Variants in DNAJC13 observed in about 807,000 individuals in gnomAD.
DNAJC13 encodes DnaJ heat shock protein family (Hsp40) member C13, also known as dnaJ homolog subfamily C member 13.
DNAJC13 carries 75 observed loss-of-function variants against 290.5 expected under a neutral mutation model. The observed-to-expected ratio is 0.26, with a 90% CI of 0.21 to 0.31. DNAJC13 has a LOEUF of 0.31. DNAJC13 is among the 10% of genes least tolerant of loss of function. The probability of loss-of-function intolerance (pLI) is 1.00; values close to 1 mark genes in which losing one functional copy is unlikely to be tolerated. For synonymous variants in DNAJC13, 862 were observed against 892.0 expected (o/e 0.97, Z 0.60); for missense variants, 2,260 against 2,674.5 (o/e 0.85, Z 3.42).
At chr3:132,475,156 T>TA (rs1934428438) in intron 22 of DNAJC13, 71 bp downstream of exon 22, 3 of 1,232,182 alleles carry the variant, frequency 2.4e-6, no homozygotes, top group Non-Finnish European at 3.2e-6. Context: ...GTGATTTTTT[T>TA]TAAAAAAATT....
intron 29 of DNAJC13, among the ~76,000 whole-genome samples, chr3:132,487,836 T>C (rs1277306073): frequency 6.6e-6 from 1 of 152,126 alleles, no homozygotes; most frequent in Non-Finnish European, 1.5e-5. Flanking sequence ...TACTACCTGA[T>C]ACTTGTTTAC....
At chr3:132,489,460 C>T (rs935026802) in intron 31 of DNAJC13, among the ~76,000 whole-genome samples, 2 of 151,158 alleles carry the variant, frequency 1.3e-5, no homozygotes, top group African/African-American at 4.9e-5. Context: ...CATATGCTTT[C>T]ATTTTACTGT....
At chr3:132,420,147 T>A (rs571867707) in intron 1 of DNAJC13, among the ~76,000 whole-genome samples, 1 of 152,324 alleles carries the variant, frequency 6.6e-6, no homozygotes, top group South Asian at 2.1e-4. Context: ...AAAAGCATGA[T>A]GAAAGCTGAA....
intron 15 of DNAJC13, among the ~76,000 whole-genome samples, chr3:132,461,918 C>G (rs1005540944): frequency 6.6e-6 from 1 of 151,952 alleles, no homozygotes; most frequent in African/African-American, 2.4e-5. Flanking sequence ...TTCTCATGCC[C>G]CTGAGCTTAA....
chr3:132,503,182 C>A, intron 40 of DNAJC13, 32 bp from the exon 41 acceptor site: 1 of 1,606,014 alleles, frequency 6.2e-7, no homozygotes, highest in South Asian at 1.1e-5. Flanking sequence ...GATAACAGAT[C>A]TACTTTAACA....
At chr3:132,437,062 A>G (rs1250687591) in intron 2 of DNAJC13, among the ~76,000 whole-genome samples, 5 of 151,806 alleles carry the variant, frequency 3.3e-5, no homozygotes, top group African/African-American at 7.3e-5. Context: ...TATTTTTAGT[A>G]GAGACAGGGT....
chr3:132,528,310 G>C lies in DNAJC13; in HGVS notation c.6503G>C (p.Arg2168Pro). ...GTTAAAGCTCTCAAGGCAATGACTC[G>C]AAGTTTGCAGTATGGAGAACAGGTG... ...QIVKALKAMT[R>P]SLQYGEQVNE... is the part of the protein sequence containing the mutation. The change falls in exon 54 of 56, where the codon CGA (arginine) becomes CCA (proline). Residue 2168 changes from arginine to proline, a missense_variant. Arg to Pro is a moderately radical substitution (Grantham distance 103, BLOSUM62 -2). Coordinates refer to ENST00000260818, the MANE Select transcript of DNAJC13 (RefSeq NM_015268.4). 6.2e-7 allele frequency: 1 copy of C among 1,614,138 alleles called. No individual in the cohort carries two copies. The highest frequency in any genetic ancestry group is 1.7e-5 in the Admixed American group (1 of 60,020).
In DNAJC13 at chr3:132,514,677, A is replaced by G. The variant is rs1935870599; in HGVS notation, c.5485+7A>G. 1.2e-6 allele frequency: 2 copies of G among 1,601,702 alleles called. No homozygotes were observed. The highest frequency in any genetic ancestry group is 1.7e-6 in the Non-Finnish European group (2 of 1,172,074). ...CTACATTCATTGCCATCAAGTATGT[A>G]TACAGATGGAATTTTGGAAACCACA... On this transcript the variant is annotated splice_region_variant and intron_variant, in intron 46 of 55. Transcript: ENST00000260818.
At chr3:132,421,660 G>A (rs746211317) in intron 1 of DNAJC13, among the ~76,000 whole-genome samples, 6 of 150,204 alleles carry the variant, frequency 4.0e-5, no homozygotes, top group Admixed American at 2.0e-4. Flanking sequence ...GGCTGGTCTC[G>A]AACTCCTGAC....
At chr3:132,460,398 C>T (rs1933750683) in intron 14 of DNAJC13, 41 bp downstream of exon 14, 2 of 1,353,282 alleles carry the variant, frequency 1.5e-6, no homozygotes, top group East Asian at 2.3e-5. Context: ...AGATACCATA[C>T]CATTATTGAA....
rs548877319 is a variant in DNAJC13, at chr3:132,451,700, A to G, written c.537+853A>G. Among the ~76,000 whole-genome samples, 22 of 152,236 alleles carry G rather than the reference A, an allele frequency of 1.4e-4. No homozygotes were observed. The South Asian group carries it at 4.4e-3, about 30-fold the overall frequency. On this transcript the variant is annotated intron_variant, in intron 6 of 55. Transcript: ENST00000260818. ...TTAGTGTTCCGGGAATGCTCCTTCA[A>G]TTTTTAGTGTTTTGTAGATAAAATA...
chr3:132,463,790 G>T lies in DNAJC13; in HGVS notation c.1865G>T (p.Ser622Ile), dbSNP rs1266698159. The change falls in exon 17 of 56, where the codon AGC becomes ATC. Residue 622 changes from serine to isoleucine, a missense_variant. By Grantham distance (142) the Ser-to-Ile change is moderately radical. Transcript: ENST00000260818. ...RHLHTAMFTI[S>I]SDQRMLTNRQ... ...TTGCATACTGCGATGTTTACAATAA[G>T]CTCAGATCAAAGGATGCTTACAAAT... The T allele has an allele frequency of 3.7e-6, 6 of 1,612,912 alleles. No individual in the cohort carries two copies. The highest frequency in any genetic ancestry group is 5.1e-6 in the Non-Finnish European group (6 of 1,179,204).
In DNAJC13 at chr3:132,461,067, C is replaced by G; in HGVS notation, c.1575C>G (p.Ala525=). The G allele has an allele frequency of 6.2e-7, 1 of 1,613,886 alleles. No homozygotes were observed. Among genetic ancestry groups the G allele is most frequent in the Non-Finnish European group, 8.5e-7 (1 of 1,179,902 alleles). Residue 525 remains alanine (A), a synonymous_variant, in exon 15 of 56, where the codon GCC becomes GCG. Coordinates refer to ENST00000260818, the MANE Select transcript of DNAJC13 (RefSeq NM_015268.4). ...TGTTTCAGGATCATGGGACTGGTGC[C>G]CTAGTTATTAGTTCGCTCTTGGACT... The part of the protein sequence containing the change: ...FNSHVDHGTG[A]LVISSLLDFL...
At chr3:132,472,640 ATTCTCTG>A (rs1436015380) in intron 20 of DNAJC13, 1 of 957,328 alleles carries the variant, frequency 1.0e-6, no homozygotes, top group Non-Finnish European at 1.2e-6. Flanking sequence ...CATCTTTGAT[ATTCTCTG>A]TTTAATAAAT....
At chr3:132,447,231 A>T in intron 3 of DNAJC13, 90 bp from the exon 4 acceptor site, 2 of 1,157,498 alleles carry the variant, frequency 1.7e-6, no homozygotes, top group East Asian at 2.9e-5. Context: ...TTGCTGATTT[A>T]ATCAGTGATT....
At chr3:132,467,497 G>C (rs1934036745) in intron 20 of DNAJC13, among the ~76,000 whole-genome samples, 184 bp downstream of exon 20, 1 of 152,022 alleles carries the variant, frequency 6.6e-6, no homozygotes, top group South Asian at 2.1e-4. Context: ...ACAGAGCCTT[G>C]CTCTGTTGCA....
chr3:132,477,018 CTTTG>C (rs1050869274), intron 22 of DNAJC13, among the ~76,000 whole-genome samples: 35 of 152,294 alleles, frequency 2.3e-4, no homozygotes, highest in African/African-American at 7.5e-4. Context: ...GCCTAGAAAC[CTTTG>C]TTTGTTCAAC....
At chr3:132,531,163 C>A in intron 55 of DNAJC13, 66 bp downstream of exon 55, 2 of 1,345,580 alleles carry the variant, frequency 1.5e-6, no homozygotes, top group South Asian at 1.2e-5. Context: ...TCCTTTTGCC[C>A]TAAATAGACT....
intron 19 of DNAJC13, 138 bp from the exon 20 acceptor site, chr3:132,467,032 A>G: frequency 1.1e-6 from 1 of 937,674 alleles, no homozygotes; most frequent in East Asian, 3.1e-5. Flanking sequence ...TAATTGTAGA[A>G]GTTTTCAGTT....
Sources: gnomAD v4.1 joint callset for allele counts (sites outside exome capture counted in the v4.1 genomes callset) on GRCh38, gnomAD v4.1.1 for gene constraint, MANE v1.5 for transcripts, NCBI Gene and HGNC (gene_info 2026-07-23, HGNC 2026-07-21) for gene names.